OSBPL2: variants seen among roughly 807,000 people sequenced by gnomAD.
The protein encoded by OSBPL2 is oxysterol-binding protein-related protein 2.
In OSBPL2, 18 loss-of-function variants were observed where a neutral mutation model predicts 58.4. The ratio of observed to expected loss-of-function variants is 0.31; its 90% CI spans 0.21 to 0.46. OSBPL2 has a LOEUF of 0.46. Ranked by LOEUF, OSBPL2 falls within the 20% of genes least tolerant of loss-of-function variation. The pLI, the probability that OSBPL2 is intolerant of heterozygous loss-of-function variation, is 1.00. For synonymous variants in OSBPL2, 221 were observed against 234.1 expected, an observed-to-expected ratio of 0.94 and a Z score of 0.51; for missense variants, 461 against 616.5, an observed-to-expected ratio of 0.75 and a Z score of 2.67.
chr20:62,267,945 C>T (rs573438268), intron 4 of OSBPL2, among the ~76,000 whole-genome samples: 4 of 152,056 alleles, frequency 2.6e-5, no homozygotes, highest in African/African-American at 4.8e-5. Flanking sequence ...TGCAGTGGCG[C>T]GATCTCAGCT....
At chr20:62,291,842 A>G (rs751515385) in intron 13 of OSBPL2, 49 bp downstream of exon 13, 1 of 1,549,840 alleles carries the variant, frequency 6.5e-7, no homozygotes, top group African/African-American at 1.4e-5. Context: ...GAGGCCCCAC[A>G]CACACCTGGG....
chr20:62,274,831 G>A (rs544878075), intron 6 of OSBPL2, among the ~76,000 whole-genome samples: 25 of 152,374 alleles, frequency 1.6e-4, no homozygotes, highest in African/African-American at 5.3e-4. Context: ...GAGTGCAGAC[G>A]GGAGGGAAGG....
chr20:62,266,678 TCCTC>T (rs1981687277), intron 4 of OSBPL2, among the ~76,000 whole-genome samples: 1 of 152,226 alleles, frequency 6.6e-6, no homozygotes, highest in Non-Finnish European at 1.5e-5. Context: ...CCCACTTCTC[TCCTC>T]CCTCGTATTT....
At chr20:62,242,885 T>C (rs542537635) in intron 1 of OSBPL2, among the ~76,000 whole-genome samples, 4 of 151,988 alleles carry the variant, frequency 2.6e-5, no homozygotes, top group Non-Finnish European at 5.9e-5. Flanking sequence ...AGGACTGTAG[T>C]GTGTAGGGAG....
At chr20:62,280,494 A>G (rs1982709293) in intron 7 of OSBPL2, among the ~76,000 whole-genome samples, 1 of 152,238 alleles carries the variant, frequency 6.6e-6, no homozygotes, top group African/African-American at 2.4e-5. Context: ...GTGGCAAAAT[A>G]CCCTGCTCTG....
chr20:62,262,122 G>A (rs1362218854), intron 3 of OSBPL2, among the ~76,000 whole-genome samples: 1 of 141,826 alleles, frequency 7.1e-6, no homozygotes, highest in African/African-American at 2.6e-5. Context: ...TAAAACTCAG[G>A]CAGGATGACC....
chr20:62,260,160 G>A (rs1296394247), intron 3 of OSBPL2, 35 bp downstream of exon 3: 8 of 1,603,226 alleles, frequency 5.0e-6, no homozygotes, highest in Non-Finnish European at 6.8e-6. Context: ...TCTAAAATGT[G>A]TCTGTAATCA....
At chr20:62,254,929 G>C (rs1015241135) in intron 1 of OSBPL2, among the ~76,000 whole-genome samples, 4 of 152,136 alleles carry the variant, frequency 2.6e-5, no homozygotes, top group African/African-American at 9.7e-5. Flanking sequence ...TTGGTTTCAG[G>C]TAGTTGTGAA....
chr20:62,258,410 A>G (rs183067874), intron 2 of OSBPL2, among the ~76,000 whole-genome samples: 1 of 152,360 alleles, frequency 6.6e-6, no homozygotes, highest in East Asian at 1.9e-4. Context: ...TTAGGCATTT[A>G]ATTTGTCTTA....
At chr20:62,280,892 C>T (rs1601192239) in intron 7 of OSBPL2, among the ~76,000 whole-genome samples, 166 bp from the exon 8 acceptor site, 4 of 152,358 alleles carry the variant, frequency 2.6e-5, no homozygotes, top group East Asian at 1.9e-4. Context: ...ACATTTCAAA[C>T]GCATGCTAAA....
At position 62,258,303 on chromosome 20, in the gene OSBPL2, G is replaced by A. The variant is rs1021192529; in HGVS notation, c.38-1678G>A. 2.0e-5 allele frequency among the ~76,000 whole-genome samples: 3 copies of A among 152,236 alleles called. No individual in the cohort carries two copies. In the East Asian group the frequency reaches 5.8e-4, roughly 29 times the overall value. On this transcript the variant is annotated intron_variant, in intron 2 of 13. Transcript: ENST00000313733. ...CGATGAAATACCCGTGCTAGAGGTA[G>A]ACTCTCGACTCCTTCACCGCCTATA...
In OSBPL2 at chr20:62,263,708, G is replaced by A. The variant is rs748262497; in HGVS notation, c.258+17G>A. The stretch of plus-strand genomic sequence containing the variant: ...GTTGGCCTGGTGAGTCCGGGGGCCC[G>A]TGTTCACACATGGGGCTGCACCACT... On this transcript the variant is annotated intron_variant, in intron 4 of 13. Coordinates refer to ENST00000313733, the MANE Select transcript of OSBPL2 (RefSeq NM_144498.4). 1.2e-5 allele frequency: 20 copies of A among 1,606,796 alleles called. No individual in the cohort carries two copies. Among genetic ancestry groups the A allele is most frequent in the African/African-American group, 5.4e-5 (4 of 74,758 alleles).
Position 62,294,083 on chromosome 20 carries a change from T to C in OSBPL2, c.*196T>C. On this transcript the variant is annotated 3_prime_UTR_variant, in exon 14 of 14. Transcript: ENST00000313733. Reference sequence around the variant, plus strand: ...ACATTTCACTCTGCTGTGCCGTCTCTTCATAAAGCTTCACTTGGGATCATC... The same window carrying C: ...ACATTTCACTCTGCTGTGCCGTCTCCTCATAAAGCTTCACTTGGGATCATC... 1 of 684,646 alleles carries C rather than the reference T, an allele frequency of 1.5e-6. No homozygotes were observed. The highest frequency in any genetic ancestry group is 2.3e-6 in the Non-Finnish European group (1 of 430,474). 42.4% of individuals were successfully genotyped at this position (684,646 alleles called of 1,614,324 possible).
intron 1 of OSBPL2, chr20:62,239,145 C>T (rs995709489): frequency 5.3e-5 from 8 of 152,226 alleles, no homozygotes; most frequent in African/African-American, 1.9e-4. Context: ...GTCCCGCAGG[C>T]CTGTGTGCAC....
At position 62,277,228 on chromosome 20, in the gene OSBPL2, C is replaced by T. The variant is rs143755024; in HGVS notation, c.492-1929C>T. On this transcript the variant is annotated intron_variant, in intron 6 of 13. Transcript: ENST00000313733. ...TCACGCCACTGCACTCCAGCCTGGG[C>T]GACAGAGATTTTGAGATTCCATCTC... Among the ~76,000 whole-genome samples the T allele has an allele frequency of 2.7e-3, 417 of 152,024 alleles. 5 individuals carry two copies. The highest frequency in any genetic ancestry group is 9.1e-3 in the African/African-American group (378 of 41,482).
intron 4 of OSBPL2, among the ~76,000 whole-genome samples, chr20:62,270,256 A>G (rs1981971223): frequency 6.6e-6 from 1 of 152,100 alleles, no homozygotes; most frequent in South Asian, 2.1e-4. Context: ...ACCCACAGCA[A>G]GTGGATTCCA....
chr20:62,288,770 T>A lies in OSBPL2; in HGVS notation c.1126-437T>A, dbSNP rs1285678493. 6.6e-6 allele frequency among the ~76,000 whole-genome samples: 1 copy of A among 152,058 alleles called. No homozygotes were observed. Among genetic ancestry groups the A allele is most frequent in the Non-Finnish European group, 1.5e-5 (1 of 68,000 alleles). ...GCATTCCAGTTGTTAATGTGACAAATTAACTTGCTCCAGGGCTGAGGCTTT... is the reference window on the plus strand; with the variant it reads ...GCATTCCAGTTGTTAATGTGACAAAATAACTTGCTCCAGGGCTGAGGCTTT... On this transcript the variant is annotated intron_variant, in intron 11 of 13. Coordinates refer to ENST00000313733, the MANE Select transcript of OSBPL2 (RefSeq NM_144498.4). The surrounding 1 kb of genome is among the most constrained non-coding windows in gnomAD (Gnocchi z 4.8).
intron 4 of OSBPL2, chr20:62,271,741 C>T (rs946887939): frequency 4.0e-5 from 8 of 200,282 alleles, no homozygotes; most frequent in South Asian, 1.1e-4. Flanking sequence ...TGTGAGCCAC[C>T]GTGCCCAGCC....
chr20:62,292,835 C>T (rs1983607793), intron 13 of OSBPL2, among the ~76,000 whole-genome samples: 1 of 151,898 alleles, frequency 6.6e-6, no homozygotes, highest in Non-Finnish European at 1.5e-5. Flanking sequence ...TTGGAATTTG[C>T]CCTTAATCCA....
Sources: allele counts gnomAD v4.1 joint callset (sites outside exome capture counted in the v4.1 genomes callset), GRCh38; gene constraint gnomAD v4.1.1; non-coding constraint Gnocchi (gnomAD v3.1); transcripts MANE v1.5; gene names NCBI Gene and HGNC (gene_info 2026-07-23, HGNC 2026-07-21).